The following CSMD1 variants were observed in gnomAD, a reference collection of about 807,000 sequenced individuals.
The protein encoded by CSMD1 is CUB and sushi domain-containing protein 1.
CSMD1 carries 213 observed loss-of-function variants against 417.5 expected under a neutral mutation model. The observed-to-expected ratio is 0.51, with a 90% CI of 0.46 to 0.57. CSMD1 has a LOEUF of 0.57. Ranked by LOEUF, CSMD1 falls within the 20% of genes least tolerant of loss-of-function variation. The pLI is 0.00. For synonymous variants in CSMD1, 2,862 were observed against 1,736.8 expected, an observed-to-expected ratio of 1.65 and a Z score of -16.11; for missense variants, 6,923 against 4,529.7, an observed-to-expected ratio of 1.53 and a Z score of -15.17.
intron 25 of CSMD1, among the ~76,000 whole-genome samples, chr8:3,294,507 A>G (rs1014235862): frequency 4.6e-5 from 7 of 152,082 alleles, no homozygotes; most frequent in Non-Finnish European, 7.4e-5. Context: ...TTAGTCATTC[A>G]AGCCTTGGCA....
At chr8:3,838,971 A>AAAT (rs1802911682) in intron 5 of CSMD1, among the ~76,000 whole-genome samples, 1 of 109,700 alleles carries the variant, frequency 9.1e-6, no homozygotes. Context: ...TTAATATTAT[A>AAAT]TATAATATAT....
chr8:4,244,438 G>A (rs1477103396), intron 3 of CSMD1, among the ~76,000 whole-genome samples: 3 of 152,042 alleles, frequency 2.0e-5, no homozygotes, highest in Non-Finnish European at 4.4e-5. Flanking sequence ...GTATATTTTT[G>A]TCAAATAATT....
chr8:3,135,573 A>G (rs1180553341), intron 41 of CSMD1, among the ~76,000 whole-genome samples: 1 of 136,424 alleles, frequency 7.3e-6, no homozygotes, highest in African/African-American at 3.1e-5. Flanking sequence ...AAGTCTGCTG[A>G]TCACATTTCT....
At chr8:3,753,455 A>G (rs1160654445) in intron 6 of CSMD1, among the ~76,000 whole-genome samples, 1 of 152,222 alleles carries the variant, frequency 6.6e-6, no homozygotes, top group Admixed American at 6.5e-5. Context: ...CAGGAAATCC[A>G]GAATCTTTCT....
intron 41 of CSMD1, among the ~76,000 whole-genome samples, chr8:3,129,762 G>A (rs1419273575): frequency 1.3e-5 from 2 of 152,070 alleles, no homozygotes; most frequent in Non-Finnish European, 2.9e-5. Context: ...GCTGAGGCAG[G>A]CAGGTCACTT....
intron 3 of CSMD1, among the ~76,000 whole-genome samples, chr8:4,047,613 T>C (rs1282031433): frequency 6.6e-6 from 1 of 152,172 alleles, no homozygotes; most frequent in Admixed American, 6.5e-5. Flanking sequence ...GGAATATTTT[T>C]CCAGGCACTA....
At chr8:3,744,167 G>T (rs1359806840) in intron 6 of CSMD1, among the ~76,000 whole-genome samples, 1 of 152,200 alleles carries the variant, frequency 6.6e-6, no homozygotes, top group African/African-American at 2.4e-5. Flanking sequence ...ATTGACAAGG[G>T]CATGGAAGGT....
intron 3 of CSMD1, among the ~76,000 whole-genome samples, chr8:4,392,421 A>T (rs1414064029): frequency 6.6e-6 from 1 of 152,134 alleles, no homozygotes; most frequent in Non-Finnish European, 1.5e-5. Context: ...CCTCCCAAAA[A>T]TATGAAGCCA....
intron 5 of CSMD1, among the ~76,000 whole-genome samples, chr8:3,843,678 G>A (rs374635820): frequency 6.6e-6 from 1 of 152,166 alleles, no homozygotes; most frequent in Non-Finnish European, 1.5e-5. Context: ...AGTGAGTGAC[G>A]GGAGCCCACA....
chr8:4,246,218 G>C (rs1016240882), intron 3 of CSMD1, among the ~76,000 whole-genome samples: 3 of 152,060 alleles, frequency 2.0e-5, no homozygotes, highest in African/African-American at 7.2e-5. Context: ...TGTTCCCCCA[G>C]TGTGTTCATG....
intron 3 of CSMD1, among the ~76,000 whole-genome samples, chr8:4,249,475 G>T (rs1018624531): frequency 9.9e-5 from 15 of 152,126 alleles, no homozygotes; most frequent in Admixed American, 9.2e-4. Flanking sequence ...ATGTAAACAG[G>T]GTTAAACATT....
intron 38 of CSMD1, among the ~76,000 whole-genome samples, chr8:3,160,289 AT>A (rs1326983722): frequency 6.6e-6 from 1 of 151,944 alleles, no homozygotes; most frequent in African/African-American, 2.4e-5. Flanking sequence ...TGCCCAGCTC[AT>A]TTTTGTATTT....
At chr8:3,822,537 C>T (rs747461945) in intron 5 of CSMD1, among the ~76,000 whole-genome samples, 2 of 152,156 alleles carry the variant, frequency 1.3e-5, no homozygotes, top group Admixed American at 6.5e-5. Context: ...ATGTCTTCCC[C>T]GACAGGCAAT....
intron 5 of CSMD1, among the ~76,000 whole-genome samples, chr8:3,831,795 C>G (rs80349819): frequency 0.029 from 4,429 of 152,154 alleles, 241 homozygotes; most frequent in African/African-American, 0.1. Context: ...TGCTCACACG[C>G]GGGACTGTGA....
chr8:3,142,846 TC>T (rs1278422430), intron 40 of CSMD1, among the ~76,000 whole-genome samples, 172 bp from the exon 41 acceptor site: 3 of 152,212 alleles, frequency 2.0e-5, no homozygotes, highest in African/African-American at 7.2e-5. Context: ...CCTGGCTCCA[TC>T]TTACCTCTGC....
At chr8:4,299,876 A>G (rs933864828) in intron 3 of CSMD1, among the ~76,000 whole-genome samples, 10 of 151,988 alleles carry the variant, frequency 6.6e-5, no homozygotes, top group Non-Finnish European at 1.0e-4. Context: ...TGATCTGCCC[A>G]CCTCAGCCTC....
At chr8:4,482,822 T>G (rs141848415) in intron 2 of CSMD1, among the ~76,000 whole-genome samples, 1 of 152,216 alleles carries the variant, frequency 6.6e-6, no homozygotes, top group African/African-American at 2.4e-5. Context: ...ATTAAAGAAA[T>G]GCAAATCAAT....
chr8:4,203,132 G>C (rs971842538), intron 3 of CSMD1, among the ~76,000 whole-genome samples: 2 of 152,174 alleles, frequency 1.3e-5, no homozygotes, highest in Non-Finnish European at 2.9e-5. Context: ...TTTCTTAAAA[G>C]CTGAAAACCT....
chr8:4,093,251 T>TA (rs1490935174), intron 3 of CSMD1, among the ~76,000 whole-genome samples: 1 of 130,766 alleles, frequency 7.6e-6, no homozygotes. Context: ...CTTTGCTAAT[T>TA]AAGCTAAAAA....
Sources: gnomAD v4.1 joint callset for allele counts (sites outside exome capture counted in the v4.1 genomes callset) on GRCh38, gnomAD v4.1.1 for gene constraint, MANE v1.5 for transcripts, NCBI Gene and HGNC (gene_info 2026-07-23, HGNC 2026-07-21) for gene names.